Variants in MAD1L1 observed in about 807,000 individuals in gnomAD.
MAD1L1 encodes mitotic spindle assembly checkpoint protein MAD1.
A neutral mutation model predicts 96.9 loss-of-function variants in MAD1L1; 95 were observed. The ratio of observed to expected loss-of-function variants is 0.98; its 90% confidence interval spans 0.83 to 1.16. The LOEUF (loss-of-function observed/expected upper bound fraction) is 1.16. MAD1L1 is among the 50% of genes most tolerant of loss of function. The pLI is 0.00. For missense variants in MAD1L1, 1,007 were observed against 954.4 expected, an observed-to-expected ratio of 1.06 and a Z score of -0.73; for synonymous variants, 473 against 396.6, an observed-to-expected ratio of 1.19 and a Z score of -2.29.
chr7:2,169,582 T>G (rs1454972952), intron 10 of MAD1L1, among the ~76,000 whole-genome samples: 2 of 152,208 alleles, frequency 1.3e-5, no homozygotes, highest in Non-Finnish European at 2.9e-5. Context: ...ACACTGCAGG[T>G]GCCAGGCTCC....
intron 13 of MAD1L1, among the ~76,000 whole-genome samples, chr7:2,012,613 G>C (rs1435130608): frequency 1.3e-5 from 2 of 152,198 alleles, no homozygotes; most frequent in Non-Finnish European, 2.9e-5. Flanking sequence ...ATGGACAGAG[G>C]GGGCAGGGCA....
chr7:2,085,108 T>C (rs1785843573), intron 11 of MAD1L1, among the ~76,000 whole-genome samples: 1 of 152,230 alleles, frequency 6.6e-6, no homozygotes, highest in African/African-American at 2.4e-5. Context: ...TGCTCAGTCC[T>C]GACAGTGACT....
At chr7:1,890,954 C>G (rs946261355) in intron 18 of MAD1L1, among the ~76,000 whole-genome samples, 1 of 152,198 alleles carries the variant, frequency 6.6e-6, no homozygotes, top group Non-Finnish European at 1.5e-5. Context: ...CCAGCAAGAT[C>G]AGACAGACGC....
At chr7:2,095,942 G>A (rs578056603) in intron 11 of MAD1L1, among the ~76,000 whole-genome samples, 8 of 152,384 alleles carry the variant, frequency 5.2e-5, no homozygotes, top group African/African-American at 1.4e-4. Context: ...TGTGAAGGAA[G>A]GAGAGCGCGG....
chr7:2,183,433 C>G (rs1791299313), intron 10 of MAD1L1, among the ~76,000 whole-genome samples: 1 of 152,130 alleles, frequency 6.6e-6, no homozygotes, highest in Non-Finnish European at 1.5e-5. Context: ...ACAGACACTT[C>G]CCAAGGAACA....
chr7:1,867,936 C>T (rs767126459), intron 18 of MAD1L1, among the ~76,000 whole-genome samples: 9 of 152,244 alleles, frequency 5.9e-5, no homozygotes, highest in Non-Finnish European at 1.0e-4. Context: ...CTCGCTTCTC[C>T]CGTCTTCCCT....
intron 14 of MAD1L1, among the ~76,000 whole-genome samples, chr7:1,988,412 C>T (rs1050335549): frequency 6.6e-6 from 1 of 152,186 alleles, no homozygotes; most frequent in Admixed American, 6.5e-5. Flanking sequence ...GCCCAGCCTA[C>T]AAGACTTCAG....
chr7:1,980,762 G>A (rs756041664), intron 14 of MAD1L1: 18 of 657,424 alleles, frequency 2.7e-5, no homozygotes, highest in Non-Finnish European at 4.9e-5. Context: ...TCCATCTCCT[G>A]AATAGCAACA....
intron 12 of MAD1L1, among the ~76,000 whole-genome samples, chr7:2,066,625 G>A (rs966990527): frequency 6.6e-6 from 1 of 152,236 alleles, no homozygotes; most frequent in Non-Finnish European, 1.5e-5. Flanking sequence ...TGAGCGGGCC[G>A]GGGTGGCCAT....
Position 1,932,910 on chromosome 7 carries a change from A to G in MAD1L1, c.1807+3777T>C, listed in dbSNP as rs571408995. ...TTGTCTTTACTTTCAGACTTTCTCA[A>G]CGTTACTTTACAAATCTTCTTAGAT... On this transcript the variant is annotated intron_variant, in intron 17 of 18. Coordinates refer to ENST00000265854, the MANE Select transcript of MAD1L1 (RefSeq NM_001013836.2). 2.6e-5 allele frequency among the ~76,000 whole-genome samples: 4 copies of G among 152,128 alleles called. No individual in the cohort carries two copies. In the East Asian group the frequency reaches 7.7e-4, roughly 29 times the overall value.
At chr7:2,216,811 C>T (rs1793307932) in intron 7 of MAD1L1, among the ~76,000 whole-genome samples, 2 of 152,200 alleles carry the variant, frequency 1.3e-5, no homozygotes, top group Admixed American at 1.3e-4. Flanking sequence ...AAAGTTCCTT[C>T]GCTAAACTGC....
At chr7:1,969,976 T>C (rs1780332603) in intron 15 of MAD1L1, among the ~76,000 whole-genome samples, 1 of 152,198 alleles carries the variant, frequency 6.6e-6, no homozygotes, top group Non-Finnish European at 1.5e-5. Flanking sequence ...CCAGGGAGAC[T>C]CATAGCTCCT....
chr7:2,183,405 T>C (rs560432662), intron 10 of MAD1L1, among the ~76,000 whole-genome samples: 2 of 152,188 alleles, frequency 1.3e-5, no homozygotes, highest in Non-Finnish European at 2.9e-5. Flanking sequence ...ACCAATACAA[T>C]TTCCCAAAAG....
At chr7:1,912,913 C>T (rs1583760428) in intron 17 of MAD1L1, among the ~76,000 whole-genome samples, 1 of 152,006 alleles carries the variant, frequency 6.6e-6, no homozygotes, top group African/African-American at 2.4e-5. Context: ...GGGGGCGGGG[C>T]TGTGTGGGCT....
chr7:1,897,217 G>A (rs1481792764), intron 18 of MAD1L1, among the ~76,000 whole-genome samples: 1 of 88,676 alleles, frequency 1.1e-5, no homozygotes, highest in African/African-American at 6.5e-5. Context: ...TGACGGACAT[G>A]CGTAGGCCGC....
chr7:1,979,593 C>CG (rs1465043377), intron 15 of MAD1L1, among the ~76,000 whole-genome samples: 3 of 152,224 alleles, frequency 2.0e-5, no homozygotes, highest in Non-Finnish European at 4.4e-5. Flanking sequence ...GTCCACAAGG[C>CG]GGGGGAGAGG....
At chr7:2,227,154 G>A (rs1029219892) in intron 3 of MAD1L1, among the ~76,000 whole-genome samples, 3 of 151,664 alleles carry the variant, frequency 2.0e-5, no homozygotes, top group African/African-American at 7.3e-5. Context: ...AATTAGCCGA[G>A]TGTGGTGGTA....
intron 10 of MAD1L1, among the ~76,000 whole-genome samples, chr7:2,209,517 G>A (rs1462471901): frequency 2.0e-5 from 3 of 152,194 alleles, no homozygotes; most frequent in Non-Finnish European, 2.9e-5. Context: ...CAGGAACAGT[G>A]GCCACAAGCC....
intron 18 of MAD1L1, among the ~76,000 whole-genome samples, chr7:1,878,970 CTA>C (rs1202915176): frequency 1.3e-5 from 2 of 152,054 alleles, no homozygotes; most frequent in African/African-American, 4.8e-5. Flanking sequence ...TCAATTATTT[CTA>C]TATATTAGGA....
Sources: allele counts gnomAD v4.1 joint callset (sites outside exome capture counted in the v4.1 genomes callset), GRCh38; gene constraint gnomAD v4.1.1; transcripts MANE v1.5; gene names NCBI Gene and HGNC (gene_info 2026-07-23, HGNC 2026-07-21).